The following NALF1 variants were observed in gnomAD, a reference collection of about 807,000 sequenced individuals.
NALF1 encodes family with sequence similarity 155 member A.
A neutral mutation model predicts 48.4 loss-of-function variants in NALF1; 3 were observed. The observed-to-expected ratio is 0.06, with a 90% CI of 0.03 to 0.16. The LOEUF is 0.16. Among genes scored for constraint, NALF1 ranks in the 10% least tolerant of loss-of-function variants. The pLI is 1.00. For synonymous variants in NALF1, 262 were observed against 245.7 expected (o/e 1.07, Z -0.62); for missense variants, 526 against 571.5 (o/e 0.92, Z 0.81).
At chr13:107,651,058 C>T (rs4098676) in intron 1 of NALF1, among the ~76,000 whole-genome samples, 150,436 of 152,240 alleles carry the variant, frequency 0.99, 74,352 homozygotes, top group Middle Eastern at 1. Context: ...CCTGCACATG[C>T]ACCCTCAAAC....
chr13:107,844,865 G>A (rs1239365954), intron 1 of NALF1, among the ~76,000 whole-genome samples: 1 of 152,098 alleles, frequency 6.6e-6, no homozygotes, highest in Admixed American at 6.6e-5. Context: ...AGTCAAAGCA[G>A]GCCTGGATAC....
intron 1 of NALF1, among the ~76,000 whole-genome samples, chr13:107,419,747 T>C (rs1884155015): frequency 1.3e-5 from 2 of 152,226 alleles, no homozygotes; most frequent in Non-Finnish European, 2.9e-5. Context: ...AATTATAAAA[T>C]ATTGTAGAGG....
At chr13:107,665,554 A>G (rs1045264416) in intron 1 of NALF1, among the ~76,000 whole-genome samples, 1 of 152,170 alleles carries the variant, frequency 6.6e-6, no homozygotes, top group Admixed American at 6.6e-5. Flanking sequence ...AATTCTACAG[A>G]AAATATATTT....
At chr13:107,554,790 C>T (rs1020436678) in intron 1 of NALF1, among the ~76,000 whole-genome samples, 1 of 152,126 alleles carries the variant, frequency 6.6e-6, no homozygotes, top group Non-Finnish European at 1.5e-5. Context: ...CCAGCCACCA[C>T]TGAAGCATGA....
intron 1 of NALF1, among the ~76,000 whole-genome samples, chr13:107,258,542 A>G (rs1198932832): frequency 1.3e-5 from 2 of 152,282 alleles, no homozygotes; most frequent in South Asian, 2.1e-4. Flanking sequence ...TCCCTTCCCC[A>G]GCCCACAACC....
intron 1 of NALF1, among the ~76,000 whole-genome samples, chr13:107,349,819 T>C (rs1882839908): frequency 1.3e-5 from 2 of 151,996 alleles, no homozygotes; most frequent in Middle Eastern, 3.2e-3. Flanking sequence ...CTCTGACCTA[T>C]TCAAGATTTA....
chr13:107,762,328 C>T (rs1012692415), intron 1 of NALF1, among the ~76,000 whole-genome samples: 2 of 151,960 alleles, frequency 1.3e-5, no homozygotes, highest in Non-Finnish European at 2.9e-5. Context: ...AAATCTCCCA[C>T]TCTAGGAACG....
intron 1 of NALF1, among the ~76,000 whole-genome samples, chr13:107,320,619 G>A (rs997604429): frequency 1.3e-5 from 2 of 152,026 alleles, no homozygotes; most frequent in Non-Finnish European, 2.9e-5. Context: ...ACTATTGAAC[G>A]AATAGGGCTC....
intron 1 of NALF1, among the ~76,000 whole-genome samples, chr13:107,842,218 A>G (rs1173291121): frequency 1.3e-5 from 2 of 152,046 alleles, no homozygotes; most frequent in African/African-American, 4.8e-5. Context: ...CAGAGTTGAA[A>G]AAAAATTTTT....
At chr13:107,377,782 CA>C (rs1254897826) in intron 1 of NALF1, among the ~76,000 whole-genome samples, 1 of 152,094 alleles carries the variant, frequency 6.6e-6, no homozygotes, top group African/African-American at 2.4e-5. Context: ...TGGAAATGCA[CA>C]GAATAGAGAT....
chr13:107,625,636 C>T (rs1879649665), intron 1 of NALF1, among the ~76,000 whole-genome samples: 1 of 152,004 alleles, frequency 6.6e-6, no homozygotes. Context: ...TCCATTTGAT[C>T]CTAATGTTCA....
chr13:107,661,972 G>A (rs942640457), intron 1 of NALF1, among the ~76,000 whole-genome samples: 1 of 151,940 alleles, frequency 6.6e-6, no homozygotes, highest in South Asian at 2.1e-4. Flanking sequence ...TTAAAAAATT[G>A]TATGAGGATG....
intron 1 of NALF1, among the ~76,000 whole-genome samples, chr13:107,723,275 T>A (rs1876042215): frequency 6.6e-6 from 1 of 152,182 alleles, no homozygotes; most frequent in African/African-American, 2.4e-5. Context: ...GATGTGTTGG[T>A]GTGGTCTACA....
At chr13:107,175,349 T>C (rs929759457) in intron 2 of NALF1, among the ~76,000 whole-genome samples, 3 of 152,204 alleles carry the variant, frequency 2.0e-5, no homozygotes, top group Non-Finnish European at 4.4e-5. Flanking sequence ...TTCCATTGCA[T>C]CTCGTGTTGT....
At chr13:107,787,206 A>G (rs1341323573) in intron 1 of NALF1, among the ~76,000 whole-genome samples, 1 of 152,182 alleles carries the variant, frequency 6.6e-6, no homozygotes, top group Non-Finnish European at 1.5e-5. Flanking sequence ...AGTTCTTTGT[A>G]CACCCATAAC....
intron 2 of NALF1, among the ~76,000 whole-genome samples, chr13:107,185,703 T>C (rs979869867): frequency 6.6e-6 from 1 of 152,092 alleles, no homozygotes; most frequent in Non-Finnish European, 1.5e-5. Context: ...ATGTATATAT[T>C]TATTTATTTT....
chr13:107,409,036 C>G (rs1302648151), intron 1 of NALF1, among the ~76,000 whole-genome samples: 1 of 151,842 alleles, frequency 6.6e-6, no homozygotes, highest in African/African-American at 2.4e-5. Flanking sequence ...CATACAAAGC[C>G]CAACATGAAT....
intron 1 of NALF1, among the ~76,000 whole-genome samples, chr13:107,761,300 C>T (rs552432079): frequency 2.0e-5 from 3 of 151,254 alleles, no homozygotes; most frequent in East Asian, 2.0e-4. Context: ...GAGCTTGCAG[C>T]GTGCTGAGAT....
chr13:107,755,933 A>C (rs1594246203), intron 1 of NALF1, among the ~76,000 whole-genome samples: 1 of 152,184 alleles, frequency 6.6e-6, no homozygotes, highest in South Asian at 2.1e-4. Flanking sequence ...TTCTACATGA[A>C]AGACAGATGT....
Sources: gnomAD v4.1 joint callset for allele counts (sites outside exome capture counted in the v4.1 genomes callset) on GRCh38, gnomAD v4.1.1 for gene constraint, MANE v1.5 for transcripts, NCBI Gene and HGNC (gene_info 2026-07-23, HGNC 2026-07-21) for gene names.